The following ATP13A3 variants were observed in gnomAD, a reference collection of about 807,000 sequenced individuals.
ATP13A3 encodes ATPase 13A3.
Under a neutral mutation model 158.1 loss-of-function variants are expected in ATP13A3, and 59 were observed. The observed-to-expected ratio is 0.37, with a 90% CI of 0.30 to 0.46. The LOEUF (loss-of-function observed/expected upper bound fraction) is 0.46. Ranked by LOEUF, ATP13A3 falls within the 20% of genes least tolerant of loss-of-function variation. The probability of loss-of-function intolerance (pLI) is 1.00; values close to 1 mark genes in which losing one functional copy is unlikely to be tolerated. For synonymous variants in ATP13A3, 491 were observed against 504.3 expected (o/e 0.97, Z 0.35); for missense variants, 1,166 against 1,525.2 (o/e 0.76, Z 3.92).
chr3:194,446,606 G>A (rs1718427330), intron 14 of ATP13A3, among the ~76,000 whole-genome samples: 1 of 152,092 alleles, frequency 6.6e-6, no homozygotes, highest in South Asian at 2.1e-4. Flanking sequence ...AAGTGTTTTA[G>A]ATCTTTATTT....
chr3:194,421,809 G>A (rs78596195), intron 30 of ATP13A3, among the ~76,000 whole-genome samples: 2,654 of 151,990 alleles, frequency 0.017, 76 homozygotes, highest in African/African-American at 0.061. Context: ...ATAAATGGCA[G>A]AGAGAAACAC....
upstream of ATP13A3, among the ~76,000 whole-genome samples, chr3:194,489,633 AAAAGATCAC>A (rs2109095262): frequency 6.6e-6 from 1 of 152,340 alleles, no homozygotes; most frequent in Admixed American, 6.5e-5. The surrounding 1 kb of genome is among the most constrained non-coding windows in gnomAD (Gnocchi z 4.1). Context: ...TCGGGCTTTT[AAAAGATCAC>A]AAAGAGCCCC....
chr3:194,419,927 T>C lies in ATP13A3; in HGVS notation c.3354A>G (p.Ile1118Met), dbSNP rs1287011636. 1 of 1,536,516 alleles carries C rather than the reference T, an allele frequency of 6.5e-7. No homozygotes were observed. The highest frequency in any genetic ancestry group is 8.7e-7 in the Non-Finnish European group (1 of 1,151,132). ...VFSVIFLYIF[I>M]LFIMLYPVAS... Reference sequence around the variant, plus strand: ...CAACTGGATACAACATGATGAATAATATAAAAATATATAAAAAAATCACAG... The same window carrying C: ...CAACTGGATACAACATGATGAATAACATAAAAATATATAAAAAAATCACAG... Residue 1118 changes from isoleucine to methionine, a missense_variant, in exon 31 of 34, where the codon ATA becomes ATG. Ile to Met is a conservative substitution (Grantham distance 10, BLOSUM62 1). Transcript: ENST00000645319.
intron 30 of ATP13A3, among the ~76,000 whole-genome samples, chr3:194,422,888 AC>A (rs1167136989): frequency 6.6e-5 from 10 of 150,778 alleles, no homozygotes; most frequent in African/African-American, 2.4e-4. Context: ...TTAAAAGGTC[AC>A]CTTATTCTGT....
At chr3:194,434,124 C>T (rs943952242) in intron 20 of ATP13A3, among the ~76,000 whole-genome samples, 5 of 152,160 alleles carry the variant, frequency 3.3e-5, no homozygotes, top group African/African-American at 1.2e-4. Context: ...GTACACTAAA[C>T]AATTCTAATA....
chr3:194,422,007 T>C (rs529896465), intron 30 of ATP13A3, among the ~76,000 whole-genome samples: 17 of 150,298 alleles, frequency 1.1e-4, no homozygotes, highest in Non-Finnish European at 2.5e-4. Context: ...TAAACAATGT[T>C]TGTTTCTCAA....
At chr3:194,414,459 T>TAAA (rs35965987) in intron 31 of ATP13A3, among the ~76,000 whole-genome samples, 10 of 134,310 alleles carry the variant, frequency 7.4e-5, no homozygotes, top group African/African-American at 2.2e-4. Context: ...GAACCTGCCT[T>TAAA]AAAAAAAAAA....
chr3:194,433,607 C>G (rs1354458195), intron 21 of ATP13A3, among the ~76,000 whole-genome samples, 165 bp downstream of exon 21: 1 of 152,200 alleles, frequency 6.6e-6, no homozygotes, highest in African/African-American at 2.4e-5. Flanking sequence ...AAGAATATGA[C>G]AAAGTTATCT....
At chr3:194,493,673 T>C (rs1231491773) in intron 2 of ATP13A3, among the ~76,000 whole-genome samples, 1 of 152,152 alleles carries the variant, frequency 6.6e-6, no homozygotes, top group Non-Finnish European at 1.5e-5. Flanking sequence ...CTTTAGTGCA[T>C]ATTTGTCTCA....
chr3:194,484,153 C>A (rs751383418), intron 2 of ATP13A3, among the ~76,000 whole-genome samples: 3 of 152,146 alleles, frequency 2.0e-5, no homozygotes, highest in Non-Finnish European at 4.4e-5. Flanking sequence ...AACCCAGAGA[C>A]AGAAACCTCT....
chr3:194,450,533 G>C, intron 10 of ATP13A3: 1 of 414,842 alleles, frequency 2.4e-6, no homozygotes, highest in Non-Finnish European at 4.5e-6. Context: ...AGCAGGTTAA[G>C]TGTGCTTCAA....
At chr3:194,450,437 A>G (rs550844639) in intron 10 of ATP13A3, 161 bp from the exon 11 acceptor site, 1 of 668,232 alleles carries the variant, frequency 1.5e-6, no homozygotes, top group Admixed American at 3.0e-5. Flanking sequence ...TAAGATTATT[A>G]GGCTAACAAA....
chr3:194,471,141 CAT>C (rs1720280935), intron 2 of ATP13A3, among the ~76,000 whole-genome samples: 1 of 152,030 alleles, frequency 6.6e-6, no homozygotes, highest in Admixed American at 6.6e-5. Flanking sequence ...TGAAGCACAT[CAT>C]GGTGCTCTAT....
Position 194,431,099 on chromosome 3 carries a change from C to G in ATP13A3, c.2544+5G>C, listed in dbSNP as rs1374558377. On this transcript the variant is annotated splice_donor_5th_base_variant and intron_variant, in intron 23 of 33. Transcript: ENST00000645319. ...TGAGCACACACATACACCCAAATTACTTACCTTAGGAACAAGGTCTTGAAA... is the reference window on the plus strand; with the variant it reads ...TGAGCACACACATACACCCAAATTAGTTACCTTAGGAACAAGGTCTTGAAA... 2.5e-6 allele frequency: 4 copies of G among 1,613,492 alleles called. No individual in the cohort carries two copies. The highest frequency in any genetic ancestry group is 3.4e-6 in the Non-Finnish European group (4 of 1,179,508).
intron 14 of ATP13A3, among the ~76,000 whole-genome samples, 198 bp from the exon 15 acceptor site, chr3:194,444,984 G>A (rs535540727): frequency 1.6e-4 from 24 of 152,254 alleles, no homozygotes; most frequent in African/African-American, 5.8e-4. Flanking sequence ...TAAAGTGGGA[G>A]AGGGGGTGCA....
At chr3:194,433,332 T>C (rs947171609) in intron 21 of ATP13A3, among the ~76,000 whole-genome samples, 95 of 148,638 alleles carry the variant, frequency 6.4e-4, no homozygotes, top group Middle Eastern at 3.5e-3. Flanking sequence ...CAAGCTCCGC[T>C]TCCCGGGTTC....
chr3:194,431,041 AT>A lies in ATP13A3; in HGVS notation c.2545-20del, dbSNP rs754165107. 3.7e-6 allele frequency: 6 copies of A among 1,613,494 alleles called. No homozygotes were observed. Among genetic ancestry groups the A allele is most frequent in the Non-Finnish European group, 4.2e-6 (5 of 1,179,606 alleles). On this transcript the variant is annotated intron_variant, in intron 23 of 33. Coordinates refer to ENST00000645319, the MANE Select transcript of ATP13A3 (RefSeq NM_001367549.1). ...ACATCAACTGGAAACAATAATACAA[AT>A]TTTTTTAAAATACTGTTGCGATGCA...
At chr3:194,483,826 C>T (rs550116801) in intron 2 of ATP13A3, among the ~76,000 whole-genome samples, 19 of 152,158 alleles carry the variant, frequency 1.2e-4, no homozygotes, top group African/African-American at 4.6e-4. Flanking sequence ...CCCTGTTCTG[C>T]AAGAAGCAGT....
At chr3:194,439,025 C>T in intron 16 of ATP13A3, 53 bp from the exon 17 acceptor site, 1 of 1,115,436 alleles carries the variant, frequency 9.0e-7, no homozygotes, top group Non-Finnish European at 1.3e-6. Context: ...TCAAGCACTG[C>T]TTCATAAAAC....
Sources: gnomAD v4.1 joint callset for allele counts (sites outside exome capture counted in the v4.1 genomes callset) on GRCh38, gnomAD v4.1.1 for gene constraint, Gnocchi (gnomAD v3.1) non-coding constraint, MANE v1.5 for transcripts, NCBI Gene and HGNC (gene_info 2026-07-23, HGNC 2026-07-21) for gene names.